Variants in LINGO2 observed in about 807,000 individuals in gnomAD.
LINGO2 encodes leucine-rich repeat and immunoglobulin-like domain-containing nogo receptor-interacting protein 2.
A neutral mutation model predicts 30.6 loss-of-function variants in LINGO2; 14 were observed. That is an observed-to-expected ratio of 0.46 (90% confidence interval 0.30 to 0.72). The LOEUF (loss-of-function observed/expected upper bound fraction) is 0.72, where lower values mean the gene tolerates loss of function less well. Ranked by LOEUF, LINGO2 falls within the 30% of genes least tolerant of loss-of-function variation. The pLI is 0.07. For missense variants in LINGO2, 729 were observed against 751.7 expected (o/e 0.97, Z 0.35); for synonymous variants, 317 against 288.5 (o/e 1.10, Z -1.00).
chr9:28,974,270 G>T, the LINGO2 span, among the ~76,000 whole-genome samples: 15 of 152,246 alleles, frequency 9.9e-5, no homozygotes, highest in South Asian at 3.1e-3. Flanking sequence ...GCTGGGCGTG[G>T]TGGCGGGCAC....
At chr9:28,042,361 C>T (rs907547274) in intron 4 of LINGO2, among the ~76,000 whole-genome samples, 3 of 152,150 alleles carry the variant, frequency 2.0e-5, no homozygotes, top group African/African-American at 7.2e-5. Flanking sequence ...TAATTGTCAA[C>T]TTGTATAAAA....
chr9:28,695,479 T>G, the LINGO2 span, among the ~76,000 whole-genome samples: 1 of 151,908 alleles, frequency 6.6e-6, no homozygotes, highest in African/African-American at 2.4e-5. Flanking sequence ...CAATTTCACT[T>G]CAGAGAATGT....
chr9:28,507,212 A>AGTGT (rs74182511), intron 1 of LINGO2, among the ~76,000 whole-genome samples: 52,805 of 148,764 alleles, frequency 0.35, 9,441 homozygotes, highest in South Asian at 0.42. Context: ...ATTTCAGAGG[A>AGTGT]GTGTGTGTGT....
rs558897502 is a variant in LINGO2 at position 28,250,593 on chromosome 9, C to T, written c.-87+44615G>A. ...CTCCAGCTAAACACCACAGAAATATCTGTGTCCCCATCCCCGCTCATGATG... is the reference window on the plus strand; with the variant it reads ...CTCCAGCTAAACACCACAGAAATATTTGTGTCCCCATCCCCGCTCATGATG... On this transcript the variant is annotated intron_variant, in intron 4 of 5. Transcript: ENST00000379992. 9.2e-5 allele frequency among the ~76,000 whole-genome samples: 14 copies of T among 152,294 alleles called. No homozygotes were observed. The Middle Eastern group carries it at 0.01, about 111-fold the overall frequency.
At chr9:28,271,049 C>A (rs1347660980) in intron 4 of LINGO2, among the ~76,000 whole-genome samples, 3 of 151,892 alleles carry the variant, frequency 2.0e-5, no homozygotes, top group African/African-American at 4.8e-5. Context: ...TTCCTATCAT[C>A]AGTTATTAAG....
At chr9:28,574,165 T>TGTTAGTGTTA (rs1334193132) in intron 1 of LINGO2, among the ~76,000 whole-genome samples, 6 of 152,196 alleles carry the variant, frequency 3.9e-5, no homozygotes, top group Admixed American at 6.5e-5. Flanking sequence ...CTTGTTAGCA[T>TGTTAGTGTTA]GTGAGTGTGT....
At chr9:28,653,433 C>A (rs989224292) in intron 1 of LINGO2, among the ~76,000 whole-genome samples, 1 of 152,152 alleles carries the variant, frequency 6.6e-6, no homozygotes, top group Admixed American at 6.6e-5. Context: ...CCCAACCCAA[C>A]AATAAGGGGA....
intron 1 of LINGO2, among the ~76,000 whole-genome samples, chr9:28,638,039 G>C (rs1276011924): frequency 1.3e-5 from 2 of 152,142 alleles, no homozygotes; most frequent in South Asian, 4.1e-4. Flanking sequence ...GAAGGTTGTT[G>C]AATTTTGTCA....
the LINGO2 span, among the ~76,000 whole-genome samples, chr9:28,867,588 T>A: frequency 4.6e-5 from 7 of 152,144 alleles, no homozygotes; most frequent in Non-Finnish European, 8.8e-5. Flanking sequence ...AACTATTTTT[T>A]AAAAAGAAAA....
At chr9:28,032,370 T>C (rs1054234583) in intron 4 of LINGO2, among the ~76,000 whole-genome samples, 2 of 152,168 alleles carry the variant, frequency 1.3e-5, no homozygotes, top group African/African-American at 2.4e-5. Flanking sequence ...GGAATGCTGA[T>C]CACAGATGGG....
chr9:28,355,363 C>CTG (rs61656726), intron 3 of LINGO2, among the ~76,000 whole-genome samples: 1,865 of 115,356 alleles, frequency 0.016, 53 homozygotes, highest in African/African-American at 0.055. Flanking sequence ...CTCCCTCCCT[C>CTG]TGTGTGTGTG....
At chr9:28,382,054 T>C (rs930377434) in intron 2 of LINGO2, among the ~76,000 whole-genome samples, 1 of 152,106 alleles carries the variant, frequency 6.6e-6, no homozygotes, top group African/African-American at 2.4e-5. Flanking sequence ...CAGGGAAATA[T>C]TGAGCTAGTT....
the LINGO2 span, among the ~76,000 whole-genome samples, chr9:28,911,888 A>G: frequency 1.3e-5 from 2 of 152,228 alleles, no homozygotes; most frequent in South Asian, 4.1e-4. Context: ...TAAAAGTCAT[A>G]TTACATACAC....
At chr9:29,052,786 G>T in the LINGO2 span, among the ~76,000 whole-genome samples, 1 of 151,990 alleles carries the variant, frequency 6.6e-6, no homozygotes, top group African/African-American at 2.4e-5. Flanking sequence ...GGATCTTGAG[G>T]CTATCTCCAT....
At chr9:28,623,244 TATTACTGAAGAA>T (rs1369680523) in intron 1 of LINGO2, among the ~76,000 whole-genome samples, 2 of 152,086 alleles carry the variant, frequency 1.3e-5, no homozygotes, top group Non-Finnish European at 2.9e-5. Flanking sequence ...GCTTGTGGGG[TATTACTGAAGAA>T]ATTTTTGCCC....
intron 2 of LINGO2, among the ~76,000 whole-genome samples, chr9:28,428,067 G>A (rs1823486030): frequency 6.6e-6 from 1 of 152,026 alleles, no homozygotes; most frequent in South Asian, 2.1e-4. Flanking sequence ...AAACATCTTC[G>A]ATCATTTCCC....
chr9:28,703,380 T>C, the LINGO2 span, among the ~76,000 whole-genome samples: 1 of 151,906 alleles, frequency 6.6e-6, no homozygotes, highest in Non-Finnish European at 1.5e-5. Flanking sequence ...GAATGAGGTG[T>C]TATTTAGACG....
In LINGO2 at chr9:28,533,333, T is replaced by C. The variant is rs375416002; in HGVS notation, c.-364-57308A>G. Among the ~76,000 whole-genome samples the C allele has an allele frequency of 2.6e-5, 4 of 152,182 alleles. No homozygotes were observed. In the South Asian group the frequency reaches 6.2e-4, roughly 24 times the overall value. ...ACCGTCCGCTTCCCACTTTTGAAGT[T>C]TGGGGACTCAGACGGGCTTCCTGAT... On this transcript the variant is annotated intron_variant, in intron 1 of 5. Coordinates refer to ENST00000379992, the Ensembl canonical transcript of LINGO2.
chr9:28,218,174 G>C (rs566655716), intron 4 of LINGO2, among the ~76,000 whole-genome samples: 2 of 149,228 alleles, frequency 1.3e-5, no homozygotes, highest in Non-Finnish European at 3.0e-5. Flanking sequence ...ACTAAATATA[G>C]TATCAAATAT....
Sources: allele counts gnomAD v4.1 joint callset (sites outside exome capture counted in the v4.1 genomes callset), GRCh38; gene constraint gnomAD v4.1.1; transcripts MANE v1.5; gene names NCBI Gene and HGNC (gene_info 2026-07-23, HGNC 2026-07-21).